Variants in NFIA observed in about 807,000 individuals in gnomAD.
NFIA encodes the protein nuclear factor 1 A-type.
Under a neutral mutation model 62.8 loss-of-function variants are expected in NFIA, and 8 were observed. That is an observed-to-expected ratio of 0.13 (90% CI 0.07 to 0.23). NFIA has a LOEUF of 0.23. NFIA is among the 10% of genes least tolerant of loss of function. The probability of loss-of-function intolerance (pLI) is 1.00; values close to 1 mark genes in which losing one functional copy is unlikely to be tolerated. For synonymous variants in NFIA, 235 were observed against 238.1 expected, an observed-to-expected ratio of 0.99 and a Z score of 0.12; for missense variants, 410 against 642.1, an observed-to-expected ratio of 0.64 and a Z score of 3.91.
At chr1:61,308,298 A>G (rs1319116419) in intron 3 of NFIA, among the ~76,000 whole-genome samples, 1 of 152,348 alleles carries the variant, frequency 6.6e-6, no homozygotes, top group South Asian at 2.1e-4. Context: ...AGTTGCTCAT[A>G]TGCTTTGCCA....
intron 9 of NFIA, among the ~76,000 whole-genome samples, chr1:61,423,861 T>C (rs377428283): frequency 6.6e-6 from 1 of 151,014 alleles, no homozygotes. Context: ...TTCCTTCCTT[T>C]ATTTTCCCTG....
At chr1:61,252,463 G>C (rs985491175) in intron 2 of NFIA, among the ~76,000 whole-genome samples, 80 of 152,264 alleles carry the variant, frequency 5.3e-4, no homozygotes, top group African/African-American at 1.9e-3. Context: ...AACTAACCCA[G>C]TGCCTTGGAA....
At chr1:61,345,438 C>T (rs1025871818) in intron 4 of NFIA, among the ~76,000 whole-genome samples, 11 of 152,200 alleles carry the variant, frequency 7.2e-5, no homozygotes, top group African/African-American at 2.7e-4. Context: ...CCTCTGACTT[C>T]ATGACCTGGG....
At chr1:61,397,750 C>T (rs1182100349) in intron 7 of NFIA, among the ~76,000 whole-genome samples, 1 of 152,192 alleles carries the variant, frequency 6.6e-6, no homozygotes, top group East Asian at 1.9e-4. Context: ...AGAATTTAAA[C>T]TCATGTCTAT....
At chr1:61,152,292 G>A (rs1451890984) in intron 2 of NFIA, among the ~76,000 whole-genome samples, 1 of 152,118 alleles carries the variant, frequency 6.6e-6, no homozygotes. Context: ...ATACAAACTG[G>A]AGGAGTCAAA....
intron 2 of NFIA, among the ~76,000 whole-genome samples, chr1:61,121,370 A>G (rs536326187): frequency 1.1e-4 from 16 of 152,332 alleles, no homozygotes; most frequent in Middle Eastern, 3.4e-3. Context: ...ATGCTGTATT[A>G]TCACAAACTG....
chr1:61,105,487 G>A (rs559962120), intron 2 of NFIA, among the ~76,000 whole-genome samples: 6 of 151,912 alleles, frequency 3.9e-5, no homozygotes, highest in Middle Eastern at 3.4e-3. Flanking sequence ...ACTTAATCAC[G>A]TAGTTGATGC....
intron 2 of NFIA, among the ~76,000 whole-genome samples, chr1:61,258,940 C>G (rs1447438194): frequency 6.6e-6 from 1 of 151,888 alleles, no homozygotes; most frequent in Non-Finnish European, 1.5e-5. Context: ...AGGCTGGTCT[C>G]GAACTCCTGA....
intron 9 of NFIA, among the ~76,000 whole-genome samples, chr1:61,425,132 C>T (rs534998816): frequency 6.6e-6 from 1 of 152,332 alleles, no homozygotes; most frequent in African/African-American, 2.4e-5. Context: ...CGTTTTAACA[C>T]AGCCATGTCC....
chr1:61,373,447 T>G (rs17122032), intron 6 of NFIA, among the ~76,000 whole-genome samples: 3,825 of 152,202 alleles, frequency 0.025, 125 homozygotes, highest in African/African-American at 0.078. Context: ...TTAGCTGGGT[T>G]CTCTGCTTGT....
At chr1:61,150,458 C>G (rs1263167850) in intron 2 of NFIA, among the ~76,000 whole-genome samples, 1 of 152,194 alleles carries the variant, frequency 6.6e-6, no homozygotes, top group African/African-American at 2.4e-5. Context: ...GGCATCCTTT[C>G]ATGGTACGAT....
intron 3 of NFIA, among the ~76,000 whole-genome samples, chr1:61,318,126 C>G (rs1660466885): frequency 6.6e-6 from 1 of 151,980 alleles, no homozygotes; most frequent in Non-Finnish European, 1.5e-5. Context: ...ATATTTAGCC[C>G]TGAGTATTTG....
intron 6 of NFIA, among the ~76,000 whole-genome samples, chr1:61,377,176 T>C (rs1030565355): frequency 6.6e-6 from 1 of 151,386 alleles, no homozygotes; most frequent in Non-Finnish European, 1.5e-5. Context: ...TGAGCCAAGA[T>C]TGCACCACTG....
intron 2 of NFIA, among the ~76,000 whole-genome samples, chr1:61,213,022 C>G (rs1653364865): frequency 6.6e-6 from 1 of 152,188 alleles, no homozygotes; most frequent in East Asian, 1.9e-4. Flanking sequence ...CTGCCCATCC[C>G]AGTATTTTCC....
At chr1:61,373,771 TGTACAGTG>T (rs943892499) in intron 6 of NFIA, among the ~76,000 whole-genome samples, 3 of 151,770 alleles carry the variant, frequency 2.0e-5, no homozygotes, top group Non-Finnish European at 2.9e-5. Flanking sequence ...GTTCTATATT[TGTACAGTG>T]AATATGTTTC....
chr1:61,205,043 CAA>C (rs1227380832), intron 2 of NFIA, among the ~76,000 whole-genome samples: 3 of 152,108 alleles, frequency 2.0e-5, no homozygotes, highest in Non-Finnish European at 2.9e-5. Flanking sequence ...AGCCCATTGC[CAA>C]TTATAAATTC....
intron 2 of NFIA, among the ~76,000 whole-genome samples, chr1:61,091,592 GTAT>G (rs946461033): frequency 2.8e-4 from 43 of 152,244 alleles, no homozygotes; most frequent in African/African-American, 1.0e-3. Context: ...TCCTTCCCAT[GTAT>G]CATATGACAA....
rs755547520 is a variant in NFIA at position 61,088,420 on chromosome 1, C to G, written c.299C>G (p.Pro100Arg). 1.9e-6 allele frequency: 3 copies of G among 1,613,924 alleles called. No individual in the cohort carries two copies. Among genetic ancestry groups the G allele is most frequent in the Non-Finnish European group, 2.5e-6 (3 of 1,179,988 alleles). The change falls in exon 2 of 11, where the codon CCT (proline) becomes CGT (arginine). Residue 100 changes from proline to arginine, a missense_variant. By Grantham distance (103) the Pro-to-Arg change is moderately radical (BLOSUM62 -2). Coordinates refer to ENST00000403491, the MANE Select transcript of NFIA (RefSeq NM_001134673.4). This position sits in a 1 kb window ranked among gnomAD's most constrained non-coding sequence, Gnocchi z 4.5. ...DFVLTVTGKK[P>R]PCCVLSNPDQ... Reference sequence around the variant, plus strand: ...GTTCTTACAGTTACAGGGAAAAAACCTCCATGTTGTGTTCTTTCCAACCCA... The same window carrying G: ...GTTCTTACAGTTACAGGGAAAAAACGTCCATGTTGTGTTCTTTCCAACCCA...
chr1:61,309,491 C>CAA (rs35779753), intron 3 of NFIA, among the ~76,000 whole-genome samples: 4,954 of 147,090 alleles, frequency 0.034, 135 homozygotes, highest in African/African-American at 0.082. Flanking sequence ...ACAACAACAA[C>CAA]AAAAAAAAAA....
Sources: allele counts gnomAD v4.1 joint callset (sites outside exome capture counted in the v4.1 genomes callset), GRCh38; gene constraint gnomAD v4.1.1; non-coding constraint Gnocchi (gnomAD v3.1); transcripts MANE v1.5; gene names NCBI Gene and HGNC (gene_info 2026-07-23, HGNC 2026-07-21).